SLC35F4: variants seen among roughly 807,000 people sequenced by gnomAD.
SLC35F4 encodes chromosome 14 open reading frame 36.
In SLC35F4, 24 loss-of-function variants were observed where a neutral mutation model predicts 44.2. The observed-to-expected ratio is 0.54, with a 90% CI of 0.39 to 0.76. The LOEUF (loss-of-function observed/expected upper bound fraction) is 0.76. Ranked by LOEUF, SLC35F4 falls within the 30% of genes least tolerant of loss-of-function variation. The pLI, the probability that SLC35F4 is intolerant of heterozygous loss-of-function variation, is 0.00. For synonymous variants in SLC35F4, 238 were observed against 223.6 expected, an observed-to-expected ratio of 1.06 and a Z score of -0.57; for missense variants, 562 against 586.1, an observed-to-expected ratio of 0.96 and a Z score of 0.42.
At chr14:57,580,472 A>C in intron 4 of SLC35F4, 1 of 336,950 alleles carries the variant, frequency 3.0e-6, no homozygotes, top group Non-Finnish European at 5.7e-6. Context: ...CAATATGTTC[A>C]TCATAGTGGC....
chr14:57,569,329 C>T (rs946456987), intron 6 of SLC35F4, among the ~76,000 whole-genome samples: 10 of 152,166 alleles, frequency 6.6e-5, no homozygotes, highest in Middle Eastern at 3.2e-3. Context: ...TCCCAATCTG[C>T]TTCCCTCTTA....
intron 1 of SLC35F4, among the ~76,000 whole-genome samples, chr14:57,664,820 T>C (rs2074254744): frequency 6.6e-6 from 1 of 152,164 alleles, no homozygotes; most frequent in African/African-American, 2.4e-5. Flanking sequence ...AAAATCAGGC[T>C]TTCTGTCCTC....
chr14:57,756,851 AG>A (rs1257585877), intron 1 of SLC35F4, among the ~76,000 whole-genome samples: 3 of 151,542 alleles, frequency 2.0e-5, no homozygotes, highest in African/African-American at 7.3e-5. Context: ...TTGTAGAGAC[AG>A]GTTTTCACCA....
chr14:57,760,962 G>A (rs576343693), intron 1 of SLC35F4, among the ~76,000 whole-genome samples: 16 of 152,018 alleles, frequency 1.1e-4, no homozygotes, highest in East Asian at 3.9e-4. Context: ...TCTCCTCTCC[G>A]GCACTCTACC....
chr14:57,804,999 G>C (rs1476323031), intron 1 of SLC35F4, among the ~76,000 whole-genome samples: 2 of 151,902 alleles, frequency 1.3e-5, no homozygotes, highest in Admixed American at 1.3e-4. Flanking sequence ...ACATACAGGT[G>C]GCCAACAAAC....
intron 1 of SLC35F4, among the ~76,000 whole-genome samples, chr14:57,772,397 G>T (rs971085182): frequency 6.6e-6 from 1 of 151,946 alleles, no homozygotes; most frequent in Non-Finnish European, 1.5e-5. Context: ...TTTTTGATTA[G>T]GGGGTACATG....
At chr14:57,639,818 G>A (rs1446272444) in intron 1 of SLC35F4, among the ~76,000 whole-genome samples, 1 of 151,944 alleles carries the variant, frequency 6.6e-6, no homozygotes, top group Admixed American at 6.6e-5. Flanking sequence ...TCTGCCTTAG[G>A]AAGTTGGGCC....
chr14:57,835,027 T>C (rs1369865447), intron 1 of SLC35F4, among the ~76,000 whole-genome samples: 2 of 152,080 alleles, frequency 1.3e-5, no homozygotes, highest in African/African-American at 2.4e-5. Context: ...AGACTCTGTC[T>C]CAAAAACAAA....
At chr14:57,878,491 A>T (rs183152673) in intron 1 of SLC35F4, among the ~76,000 whole-genome samples, 113 of 152,198 alleles carry the variant, frequency 7.4e-4, no homozygotes, top group Admixed American at 7.3e-3. Context: ...TACTCCCCTC[A>T]TTCTAAATTC....
rs188149920 is a variant in SLC35F4 at position 57,825,516 on chromosome 14, A to G, written c.103+40207T>C. ...GTAGAATAGCTTCTTAGAGCTGATC[A>G]ATTCACCAAACAATAAAATGCAGTT... On this transcript the variant is annotated intron_variant, in intron 1 of 7. Transcript: ENST00000556826. Among the ~76,000 whole-genome samples, 27 of 152,260 alleles carry G rather than the reference A, an allele frequency of 1.8e-4. No homozygotes were observed. In the East Asian group the frequency reaches 4.1e-3, roughly 23 times the overall value.
chr14:57,859,523 A>C (rs2141007163), intron 1 of SLC35F4, among the ~76,000 whole-genome samples: 1 of 152,358 alleles, frequency 6.6e-6, no homozygotes, highest in African/African-American at 2.4e-5. Context: ...AATGTGTGCT[A>C]AAATAGAACA....
chr14:57,970,011 A>T lies in SLC35F4; in HGVS notation n.282+11902T>A, dbSNP rs545679735. Among the ~76,000 whole-genome samples the T allele has an allele frequency of 5.3e-5, 8 of 152,340 alleles. No homozygotes were observed. The South Asian group carries it at 1.0e-3, about 20-fold the overall frequency. ...CAATTTTAACAGAAACTAGGCTTCA[A>T]ATTAGGAAAATTAGACCCAAATTTA... On this transcript the variant is annotated intron_variant and non_coding_transcript_variant, in intron 1 of 1. Coordinates refer to the SLC35F4 transcript ENST00000556568.
At chr14:57,845,530 G>A (rs1487931346) in intron 1 of SLC35F4, among the ~76,000 whole-genome samples, 2 of 152,172 alleles carry the variant, frequency 1.3e-5, no homozygotes, top group Non-Finnish European at 2.9e-5. Flanking sequence ...AAACAATTCA[G>A]GCTTACATTG....
At chr14:57,967,032 A>G (rs530415757) in intron 1 of SLC35F4, among the ~76,000 whole-genome samples, 2 of 152,240 alleles carry the variant, frequency 1.3e-5, no homozygotes, top group South Asian at 4.1e-4. Context: ...AAGAAAAGAA[A>G]AGAAATTCAT....
intron 1 of SLC35F4, among the ~76,000 whole-genome samples, chr14:57,838,647 G>A (rs1394005040): frequency 6.6e-6 from 1 of 152,144 alleles, no homozygotes; most frequent in African/African-American, 2.4e-5. Context: ...TGACAGTTCA[G>A]TCTCAAAATA....
intron 4 of SLC35F4, chr14:57,579,560 A>G (rs1956019250): frequency 6.6e-6 from 1 of 152,214 alleles, no homozygotes; most frequent in South Asian, 2.1e-4. Flanking sequence ...GCACGCCACT[A>G]AAAGAACAAA....
At chr14:57,834,320 A>AT (rs1189925949) in intron 1 of SLC35F4, among the ~76,000 whole-genome samples, 2 of 152,124 alleles carry the variant, frequency 1.3e-5, no homozygotes, top group African/African-American at 4.8e-5. Flanking sequence ...TGGTGTGTTC[A>AT]TTTTTTTCTT....
In SLC35F4 at chr14:57,589,251, A is replaced by T. The variant is rs1189206675; in HGVS notation, c.552T>A (p.Thr184=). 1 of 1,612,114 alleles carries T rather than the reference A, an allele frequency of 6.2e-7. No homozygotes were observed. Among genetic ancestry groups the T allele is most frequent in the Non-Finnish European group, 8.5e-7 (1 of 1,179,072 alleles). ...TCATTGGAGATTGCTTTTCTTGAGC[A>T]GTGGCTAGATGACCAGAATAATAGA... is the stretch of plus-strand genomic sequence containing the variant. ...FPVYYSGHLA[T]AQEKQSPMKK... The change falls in exon 3 of 8, where the codon ACT becomes ACA. Residue 184 remains threonine, a synonymous_variant. Transcript: ENST00000556826.
At chr14:57,859,712 G>A (rs756570397) in intron 1 of SLC35F4, among the ~76,000 whole-genome samples, 3 of 152,176 alleles carry the variant, frequency 2.0e-5, no homozygotes, top group Non-Finnish European at 4.4e-5. Flanking sequence ...GGCAAAAGAT[G>A]CGATGGATAG....
Sources: gnomAD v4.1 joint callset for allele counts (sites outside exome capture counted in the v4.1 genomes callset) on GRCh38, gnomAD v4.1.1 for gene constraint, MANE v1.5 for transcripts, NCBI Gene and HGNC (gene_info 2026-07-23, HGNC 2026-07-21) for gene names.